RSU1: variants seen among roughly 807,000 people sequenced by gnomAD.
RSU1 encodes rsu-1.
A neutral mutation model predicts 31.1 loss-of-function variants in RSU1; 26 were observed. That is an observed-to-expected ratio of 0.84 (90% confidence interval 0.61 to 1.16). RSU1 has a LOEUF of 1.16. Among genes scored for constraint, RSU1 ranks in the 50% most tolerant of loss-of-function variants. RSU1 has a pLI of 0.00. For missense variants in RSU1, 320 were observed against 339.1 expected (o/e 0.94, Z 0.44); for synonymous variants, 164 against 136.3 (o/e 1.20, Z -1.41).
intron 8 of RSU1, among the ~76,000 whole-genome samples, chr10:16,632,612 A>G (rs1274660736): frequency 6.6e-6 from 1 of 152,106 alleles, no homozygotes; most frequent in South Asian, 2.1e-4. Context: ...TCTACAGCAA[A>G]CTGCTTGCTT....
At chr10:16,794,734 A>G (rs1214421357) in intron 2 of RSU1, among the ~76,000 whole-genome samples, 2 of 152,248 alleles carry the variant, frequency 1.3e-5, no homozygotes, top group Non-Finnish European at 2.9e-5. Flanking sequence ...CAAACTGGAA[A>G]ATTATTATTG....
At chr10:16,674,913 A>G (rs754780124) in intron 8 of RSU1, among the ~76,000 whole-genome samples, 11 of 152,104 alleles carry the variant, frequency 7.2e-5, no homozygotes, top group Non-Finnish European at 2.9e-5. Flanking sequence ...CACGCCTGTA[A>G]TCCCAGCTAC....
chr10:16,784,733 C>A (rs552755839), intron 2 of RSU1, among the ~76,000 whole-genome samples: 3 of 152,292 alleles, frequency 2.0e-5, no homozygotes, highest in African/African-American at 7.2e-5. Flanking sequence ...AACTCCCCTT[C>A]ATAAAACCAT....
chr10:16,671,298 C>T lies in RSU1; in HGVS notation c.731+23725G>A, dbSNP rs139697828. The stretch of plus-strand genomic sequence containing the variant: ...GGTTCAAGTGATCCTCCTGCCTTGT[C>T]CTCCCAAAGAGCTGGGATTACAGGT... On this transcript the variant is annotated intron_variant, in intron 8 of 8. Coordinates refer to ENST00000345264, the MANE Select transcript of RSU1 (RefSeq NM_012425.4). Among the ~76,000 whole-genome samples the T allele has an allele frequency of 1.2e-4, 19 of 152,290 alleles. No homozygotes were observed. In the East Asian group the frequency reaches 2.9e-3, roughly 23 times the overall value.
rs377489987 is a variant in RSU1 at position 16,691,098 on chromosome 10, C to A, written c.731+3925G>T. On this transcript the variant is annotated intron_variant, in intron 8 of 8. Coordinates refer to ENST00000345264, the MANE Select transcript of RSU1 (RefSeq NM_012425.4). ...TGTGAAATTTGCTTTTTTAAAAAAACTATGAGTATCATGAATAAACTGCCT... is the reference window on the plus strand; with the variant it reads ...TGTGAAATTTGCTTTTTTAAAAAAAATATGAGTATCATGAATAAACTGCCT... 1.7e-4 allele frequency among the ~76,000 whole-genome samples: 26 copies of A among 151,346 alleles called. No homozygotes were observed. The East Asian group carries it at 1.9e-3, about 11-fold the overall frequency.
intron 8 of RSU1, among the ~76,000 whole-genome samples, chr10:16,673,192 C>T (rs527415909): frequency 4.6e-5 from 7 of 152,324 alleles, no homozygotes; most frequent in South Asian, 2.1e-4. Flanking sequence ...CTGGGAGAAG[C>T]GTTCATCTCC....
chr10:16,777,763 A>G (rs980872960), intron 3 of RSU1, among the ~76,000 whole-genome samples: 1 of 152,224 alleles, frequency 6.6e-6, no homozygotes, highest in African/African-American at 2.4e-5. Flanking sequence ...AGCAGACTAA[A>G]AAAGACTCAG....
chr10:16,749,505 A>G (rs1180054234), intron 7 of RSU1, among the ~76,000 whole-genome samples: 1 of 152,178 alleles, frequency 6.6e-6, no homozygotes, highest in Non-Finnish European at 1.5e-5. Context: ...CCACACTTTA[A>G]AACACCCCCA....
intron 4 of RSU1, among the ~76,000 whole-genome samples, chr10:16,762,603 T>C (rs1401662822): frequency 1.3e-5 from 2 of 151,936 alleles, no homozygotes; most frequent in Non-Finnish European, 2.9e-5. Flanking sequence ...AGGCTGCCCA[T>C]GGATCTCATA....
intron 7 of RSU1, among the ~76,000 whole-genome samples, chr10:16,751,777 A>G (rs1273428734): frequency 1.3e-5 from 2 of 152,232 alleles, no homozygotes; most frequent in Non-Finnish European, 2.9e-5. Context: ...GCAGTTTGAG[A>G]AAACAATGTG....
rs1227958629 is a variant in RSU1 at position 16,590,671 on chromosome 10, T to G, written c.*2723A>C. 4 of 152,228 alleles carry G rather than the reference T, an allele frequency of 2.6e-5. No individual in the cohort carries two copies. Among genetic ancestry groups the G allele is most frequent in the Non-Finnish European group, 4.4e-5 (3 of 68,040 alleles). 9.4% of individuals were successfully genotyped at this position (152,228 alleles called of 1,614,324 possible). A position where few individuals can be genotyped will look rare whatever the true frequency, so the allele number is the denominator to read the frequency against. ...TGATTACAAAAGTATATGTGTTCAT[T>G]AGAAAAAATTTAAGTACAGAATGAA... On this transcript the variant is annotated 3_prime_UTR_variant, in exon 9 of 9. Transcript: ENST00000345264.
chr10:16,702,092 T>C (rs1422498855), intron 7 of RSU1, among the ~76,000 whole-genome samples: 1 of 152,224 alleles, frequency 6.6e-6, no homozygotes, highest in Non-Finnish European at 1.5e-5. Flanking sequence ...ATCTGGCTCC[T>C]GATCTCAAGA....
At chr10:16,707,936 T>C (rs1312893401) in intron 7 of RSU1, among the ~76,000 whole-genome samples, 1 of 152,218 alleles carries the variant, frequency 6.6e-6, no homozygotes, top group Non-Finnish European at 1.5e-5. Flanking sequence ...TGCATGTTGA[T>C]ATCCAATTTT....
chr10:16,643,913 G>A (rs921936288), intron 8 of RSU1, among the ~76,000 whole-genome samples: 1 of 151,792 alleles, frequency 6.6e-6, no homozygotes, highest in Non-Finnish European at 1.5e-5. Context: ...AAAAAAACTT[G>A]TCATTATTCT....
At chr10:16,661,012 A>G (rs1588700038) in intron 8 of RSU1, among the ~76,000 whole-genome samples, 1 of 152,150 alleles carries the variant, frequency 6.6e-6, no homozygotes, top group East Asian at 1.9e-4. Context: ...TTTAATTGCA[A>G]TGATTATATT....
chr10:16,721,010 C>CAAAT (rs1015569040), intron 7 of RSU1, among the ~76,000 whole-genome samples: 5 of 152,002 alleles, frequency 3.3e-5, no homozygotes, highest in African/African-American at 1.2e-4. Context: ...AATAAACAAA[C>CAAAT]AAATAAATAA....
intron 3 of RSU1, among the ~76,000 whole-genome samples, chr10:16,777,949 C>A (rs747716316): frequency 6.6e-6 from 1 of 152,022 alleles, no homozygotes; most frequent in African/African-American, 2.4e-5. Context: ...ACATCACAGC[C>A]CATCATTCCT....
chr10:16,624,563 G>C (rs964306221), intron 8 of RSU1, among the ~76,000 whole-genome samples: 1 of 152,070 alleles, frequency 6.6e-6, no homozygotes, highest in Non-Finnish European at 1.5e-5. Context: ...ACTTACACTA[G>C]CTCACTACTG....
chr10:16,763,145 G>A (rs2131630174), intron 4 of RSU1, among the ~76,000 whole-genome samples: 1 of 152,318 alleles, frequency 6.6e-6, no homozygotes, highest in South Asian at 2.1e-4. Context: ...GCATGAGTGG[G>A]CAGTTTCATC....
Sources: gnomAD v4.1 joint callset for allele counts (sites outside exome capture counted in the v4.1 genomes callset) on GRCh38, gnomAD v4.1.1 for gene constraint, MANE v1.5 for transcripts, NCBI Gene and HGNC (gene_info 2026-07-23, HGNC 2026-07-21) for gene names.